Variants in TMEM72 observed in about 807,000 individuals in gnomAD.
TMEM72 encodes transmembrane protein 72.
In TMEM72, 9 loss-of-function variants were observed where a neutral mutation model predicts 16.3. The observed-to-expected ratio is 0.55, with a 90% CI of 0.33 to 0.96. The LOEUF (loss-of-function observed/expected upper bound fraction) is 0.96, where lower values mean the gene tolerates loss of function less well. Among genes scored for constraint, TMEM72 ranks in the 40% least tolerant of loss-of-function variants. The pLI, the probability that TMEM72 is intolerant of heterozygous loss-of-function variation, is 0.03. For missense variants in TMEM72, 324 were observed against 337.8 expected (o/e 0.96, Z 0.32); for synonymous variants, 160 against 146.5 (o/e 1.09, Z -0.66).
At chr10:44,920,894 G>A (rs1840085645) in intron 1 of TMEM72, among the ~76,000 whole-genome samples, 1 of 152,160 alleles carries the variant, frequency 6.6e-6, no homozygotes, top group African/African-American at 2.4e-5. Context: ...TTCTGCTCTG[G>A]TGCAGCCCCC....
At chr10:44,917,575 A>T (rs1840030990) in intron 1 of TMEM72, among the ~76,000 whole-genome samples, 2 of 152,120 alleles carry the variant, frequency 1.3e-5, no homozygotes, top group Admixed American at 1.3e-4. Context: ...TTTATTTTTC[A>T]TGGGATGACA....
intron 1 of TMEM72, among the ~76,000 whole-genome samples, chr10:44,914,146 G>A (rs1024572085): frequency 6.6e-6 from 1 of 152,322 alleles, no homozygotes; most frequent in African/African-American, 2.4e-5. Context: ...TTTGGATGAA[G>A]CCTCCTTAGG....
rs758643480 is a variant in TMEM72 at position 44,911,573 on chromosome 10, A to G, written c.61A>G (p.Thr21Ala). The part of the protein sequence containing the change: ...EYTCRLLGIT[T>A]AAVLIGVGTE... ...CACCTGCCGGCTCCTGGGCATCACC[A>G]CTGCTGCAGGTAAGACCCTGCCTCC... The change falls in exon 1 of 5, where the codon ACT becomes GCT. Residue 21 changes from threonine to alanine, a missense_variant. By Grantham distance (58) the Thr-to-Ala change is moderately conservative. Transcript: ENST00000389583. 1.4e-5 allele frequency: 22 copies of G among 1,550,648 alleles called. No individual in the cohort carries two copies. The highest frequency in any genetic ancestry group is 1.9e-5 in the Non-Finnish European group (22 of 1,147,236).
At chr10:44,930,338 T>C (rs1840275950) in intron 2 of TMEM72, among the ~76,000 whole-genome samples, 1 of 152,202 alleles carries the variant, frequency 6.6e-6, no homozygotes, top group African/African-American at 2.4e-5. Context: ...GCAATTATTT[T>C]GCAAAACACG....
At chr10:44,922,496 G>A (rs538460487) in intron 1 of TMEM72, among the ~76,000 whole-genome samples, 1 of 152,150 alleles carries the variant, frequency 6.6e-6, no homozygotes, top group Non-Finnish European at 1.5e-5. Flanking sequence ...AAAATATTTT[G>A]TTCCCAGTAC....
chr10:44,935,912 G>C lies in TMEM72; in HGVS notation c.*778G>C, dbSNP rs72780643. The C allele has an allele frequency of 0.2, 29,886 of 152,326 alleles. 3,097 individuals are homozygous for C. The highest frequency in any genetic ancestry group is 0.23 in the Middle Eastern group (69 of 296). The allele number at this position is 152,326 out of a possible 1,614,324, so 9.4% of individuals were successfully genotyped here. Reference sequence around the variant, plus strand: ...GGGCCCAGAAGGCAATGTCTGCTGTGGGCAGGACCACAGAGGCTGCCCAGG... The same window carrying C: ...GGGCCCAGAAGGCAATGTCTGCTGTCGGCAGGACCACAGAGGCTGCCCAGG... On this transcript the variant is annotated 3_prime_UTR_variant, in exon 5 of 5. Transcript: ENST00000389583.
intron 1 of TMEM72, among the ~76,000 whole-genome samples, chr10:44,923,422 T>C (rs1331518700): frequency 6.6e-6 from 1 of 152,110 alleles, no homozygotes; most frequent in Non-Finnish European, 1.5e-5. Flanking sequence ...TACAAGTCTC[T>C]CTACAAGGCT....
chr10:44,934,782 C>A lies in TMEM72; in HGVS notation c.476C>A (p.Thr159Asn), dbSNP rs547750430. Residue 159 changes from threonine (T) to asparagine (N), a missense_variant, in exon 5 of 5, where the codon ACC becomes AAC. Thr to Asn is a moderately conservative substitution (Grantham distance 65, BLOSUM62 0). Transcript: ENST00000389583. ...GACCCCTCTAGCAGCGCTGTGAGCA[C>A]CACCGGCTCTGGGGACACAGAGCAA... Reference protein sequence around the residue: ...YTDPSSSAVSTTGSGDTEQTY... With the variant: ...YTDPSSSAVSNTGSGDTEQTY... The A allele has an allele frequency of 1.2e-6, 2 of 1,613,484 alleles. No homozygotes were observed. Among genetic ancestry groups the A allele is most frequent in the Admixed American group, 1.7e-5 (1 of 60,010 alleles).
At chr10:44,925,454 A>G (rs1024813808) in intron 1 of TMEM72, among the ~76,000 whole-genome samples, 2 of 152,218 alleles carry the variant, frequency 1.3e-5, no homozygotes, top group African/African-American at 2.4e-5. Flanking sequence ...AGAGTGCTCA[A>G]TGCAGGCATC....
At chr10:44,918,337 C>A (rs1840042112) in intron 1 of TMEM72, among the ~76,000 whole-genome samples, 1 of 152,140 alleles carries the variant, frequency 6.6e-6, no homozygotes, top group African/African-American at 2.4e-5. Flanking sequence ...TATGGGTCTG[C>A]AGAGTCCTTC....
intron 1 of TMEM72, among the ~76,000 whole-genome samples, chr10:44,922,103 C>T (rs1318521074): frequency 3.3e-5 from 5 of 152,190 alleles, no homozygotes; most frequent in Admixed American, 6.5e-5. Context: ...TCCTAGTTAT[C>T]CGGGTGCCAT....
At chr10:44,923,337 CT>C (rs1243820730) in intron 1 of TMEM72, 1 of 137,308 alleles carries the variant, frequency 7.3e-6, no homozygotes. Flanking sequence ...CTCTCTCTCT[CT>C]TTCTCTTCCT....
chr10:44,930,111 C>A (rs1259041015), intron 2 of TMEM72, among the ~76,000 whole-genome samples: 1 of 152,132 alleles, frequency 6.6e-6, no homozygotes, highest in Non-Finnish European at 1.5e-5. Flanking sequence ...TTGAGGGGAC[C>A]CTATGCCCAT....
intron 3 of TMEM72, among the ~76,000 whole-genome samples, chr10:44,933,341 G>A (rs1318472962): frequency 6.6e-6 from 1 of 152,278 alleles, no homozygotes; most frequent in Non-Finnish European, 1.5e-5. Flanking sequence ...TGAGCCCTGA[G>A]CCTCCAGCTG....
At chr10:44,927,807 C>T (rs1840221447) in intron 1 of TMEM72, 114 bp from the exon 2 acceptor site, 7 of 1,072,536 alleles carry the variant, frequency 6.5e-6, no homozygotes, top group East Asian at 2.4e-5. Context: ...AAGAACCTAC[C>T]TTGGCTGTCA....
chr10:44,920,175 C>G (rs778361917), intron 1 of TMEM72: 2 of 152,358 alleles, frequency 1.3e-5, no homozygotes, highest in South Asian at 2.1e-4. Context: ...ACAGTGAGTA[C>G]AAAATTCTCA....
chr10:44,933,796 G>A lies in TMEM72; in HGVS notation c.349+20G>A. 1 of 1,602,206 alleles carries A rather than the reference G, an allele frequency of 6.2e-7. No homozygotes were observed. The highest frequency in any genetic ancestry group is 8.5e-7 in the Non-Finnish European group (1 of 1,171,718). ...TCCCAGGTAAGAGCACAGGGGTAGA[G>A]ATATGCAGCCCCAGCACAGGTGGAC... On this transcript the variant is annotated intron_variant, in intron 4 of 4. Transcript: ENST00000389583.
intron 1 of TMEM72, among the ~76,000 whole-genome samples, chr10:44,915,949 G>A (rs1010311495): frequency 6.6e-6 from 1 of 152,116 alleles, no homozygotes; most frequent in Non-Finnish European, 1.5e-5. Flanking sequence ...AGAGGTGCAG[G>A]GCTGACTGCA....
chr10:44,934,669 C>G lies in TMEM72; in HGVS notation c.363C>G (p.Ile121Met). 1 of 1,581,104 alleles carries G rather than the reference C, an allele frequency of 6.3e-7. No homozygotes were observed. The highest frequency in any genetic ancestry group is 1.2e-5 in the South Asian group (1 of 86,604). The change falls in exon 5 of 5, where the codon ATC becomes ATG. Residue 121 changes from isoleucine to methionine, a missense_variant. Ile to Met is a conservative substitution (Grantham distance 10). Transcript: ENST00000389583. ...WHVTIPGSML[I>M]ITGLAYFLLS... ...GCTCTTTTCCAGGCTCCATGCTCAT[C>G]ATCACCGGCCTGGCCTACTTCCTTC...
Sources: allele counts gnomAD v4.1 joint callset (sites outside exome capture counted in the v4.1 genomes callset), GRCh38; gene constraint gnomAD v4.1.1; transcripts MANE v1.5; gene names NCBI Gene and HGNC (gene_info 2026-07-23, HGNC 2026-07-21).